Variants in LIPG observed in about 807,000 individuals in gnomAD.
LIPG encodes the protein lipase G, endothelial type.
LIPG carries 34 observed loss-of-function variants against 51.8 expected under a neutral mutation model. The observed-to-expected ratio is 0.66, with a 90% CI of 0.50 to 0.87. The LOEUF is 0.87. Ranked by LOEUF, LIPG falls within the 40% of genes least tolerant of loss-of-function variation. The probability of loss-of-function intolerance (pLI) is 0.00; values close to 1 mark genes in which losing one functional copy is unlikely to be tolerated. For missense variants in LIPG, 580 were observed against 652.7 expected, an observed-to-expected ratio of 0.89 and a Z score of 1.21; for synonymous variants, 246 against 246.1, an observed-to-expected ratio of 1.00 and a Z score of 0.00.
intron 7 of LIPG, 57 bp downstream of exon 7, chr18:49,582,539 TGAGA>T: frequency 6.2e-7 from 1 of 1,609,684 alleles, no homozygotes; most frequent in Non-Finnish European, 8.5e-7. Flanking sequence ...GGTTTGAGAA[TGAGA>T]GAGCACAAGG....
At chr18:49,567,360 G>A in intron 2 of LIPG, 82 bp from the exon 3 acceptor site, 1 of 1,392,512 alleles carries the variant, frequency 7.2e-7, no homozygotes, top group Non-Finnish European at 9.9e-7. Context: ...TAATTGGGAA[G>A]AGGGTCATAT....
intron 3 of LIPG, among the ~76,000 whole-genome samples, chr18:49,568,957 G>A (rs1041666199): frequency 2.0e-5 from 3 of 152,134 alleles, no homozygotes; most frequent in Non-Finnish European, 2.9e-5. Context: ...GGGACAATGC[G>A]TCAAGTCTGG....
rs1251143031 is a variant in LIPG, at chr18:49,590,874, C to T, written c.*352C>T. ...AGCCTGTACTCTGCCTGACGAGGAA[C>T]GCTGGCTCCGAAGAGGCCCTGTGTA... is the stretch of plus-strand genomic sequence containing the variant. On this transcript the variant is annotated 3_prime_UTR_variant, in exon 10 of 10. Coordinates refer to ENST00000261292, the MANE Select transcript of LIPG (RefSeq NM_006033.4). 4 of 382,522 alleles carry T rather than the reference C, an allele frequency of 1.0e-5. No individual in the cohort carries two copies. Among genetic ancestry groups the T allele is most frequent in the Admixed American group, 3.7e-5 (1 of 26,898 alleles). 23.7% of individuals were successfully genotyped at this position (382,522 alleles called of 1,614,324 possible).
At chr18:49,571,244 T>G (rs190743944) in intron 4 of LIPG, among the ~76,000 whole-genome samples, 1 of 152,144 alleles carries the variant, frequency 6.6e-6, no homozygotes, top group African/African-American at 2.4e-5. Flanking sequence ...ATGAGAGGTG[T>G]GATGTTTCAG....
chr18:49,567,411 AAT>A, intron 2 of LIPG, 29 bp from the exon 3 acceptor site: 1 of 1,605,518 alleles, frequency 6.2e-7, no homozygotes, highest in Admixed American at 1.7e-5. Context: ...TGAAACCAAG[AAT>A]AAAAAACAAC....
At position 49,590,540 on chromosome 18, in the gene LIPG, T is replaced by G. The variant is rs1187260979; in HGVS notation, c.*18T>G. ...TTCCCTGAGGGTGCCCGGGCAAGTC[T>G]TGCCAGCAAGGCAGCAAGACTTCCT... On this transcript the variant is annotated 3_prime_UTR_variant, in exon 10 of 10. Coordinates refer to ENST00000261292, the MANE Select transcript of LIPG (RefSeq NM_006033.4). 3 of 1,594,290 alleles carry G rather than the reference T, an allele frequency of 1.9e-6. No homozygotes were observed. Among genetic ancestry groups the G allele is most frequent in the Non-Finnish European group, 2.6e-6 (3 of 1,168,598 alleles).
rs764338806 is a variant in LIPG at position 49,567,513 on chromosome 18, T to A, written c.351T>A (p.Asn117Lys). The change falls in exon 3 of 10, where the codon AAT (asparagine) becomes AAA (lysine). Residue 117 changes from asparagine to lysine, a missense_variant. By Grantham distance (94) the Asn-to-Lys change is moderately conservative. Coordinates refer to ENST00000261292, the MANE Select transcript of LIPG (RefSeq NM_006033.4). ...SALHTREKDA[N>K]VVVVDWLPLA... ...TGCACACAAGAGAGAAAGACGCCAATGTAGTTGTGGTTGACTGGCTCCCCC... is the reference window on the plus strand; with the variant it reads ...TGCACACAAGAGAGAAAGACGCCAAAGTAGTTGTGGTTGACTGGCTCCCCC... 6.2e-7 allele frequency: 1 copy of A among 1,614,066 alleles called. No individual in the cohort carries two copies. Among genetic ancestry groups the A allele is most frequent in the Non-Finnish European group, 8.5e-7 (1 of 1,179,992 alleles).
At position 49,582,791 on chromosome 18, in the gene LIPG, T is replaced by C. The variant is rs2143969174; in HGVS notation, c.1157+309T>C. On this transcript the variant is annotated intron_variant, in intron 7 of 9. Transcript: ENST00000261292. ...TTTCATTTCAGGCAATGCCTGACGA[T>C]GCTTCAGGCAATCTGTAACTTCGTA... Among the ~76,000 whole-genome samples, 3 of 152,400 alleles carry C rather than the reference T, an allele frequency of 2.0e-5. No homozygotes were observed. The Middle Eastern group carries it at 0.01, about 518-fold the overall frequency.
At chr18:49,565,197 T>A in intron 1 of LIPG, 120 bp from the exon 2 acceptor site, 1 of 866,748 alleles carries the variant, frequency 1.2e-6, no homozygotes. Context: ...ATTCAGCAGA[T>A]GTAAAAACCG....
intron 9 of LIPG, among the ~76,000 whole-genome samples, chr18:49,587,694 C>A (rs2084898434): frequency 6.6e-6 from 1 of 152,038 alleles, no homozygotes; most frequent in Non-Finnish European, 1.5e-5. Context: ...CTGCCTCAAC[C>A]TGTAGGGGTT....
chr18:49,590,535 A>G lies in LIPG; in HGVS notation c.*13A>G. 6.3e-7 allele frequency: 1 copy of G among 1,596,122 alleles called. No individual in the cohort carries two copies. Among genetic ancestry groups the G allele is most frequent in the Non-Finnish European group, 8.5e-7 (1 of 1,169,592 alleles). On this transcript the variant is annotated 3_prime_UTR_variant, in exon 10 of 10. Coordinates refer to ENST00000261292, the MANE Select transcript of LIPG (RefSeq NM_006033.4). ...GGAGCTTCCCTGAGGGTGCCCGGGC[A>G]AGTCTTGCCAGCAAGGCAGCAAGAC...
At chr18:49,561,895 G>C, upstream of LIPG, 2 of 1,303,588 alleles carry the variant, frequency 1.5e-6, no homozygotes, top group Middle Eastern at 2.9e-4. Context: ...CACGCGGTGA[G>C]TGTGCAGCGC....
At chr18:49,576,630 C>T (rs148883274) in intron 5 of LIPG, among the ~76,000 whole-genome samples, 24 of 151,846 alleles carry the variant, frequency 1.6e-4, no homozygotes, top group Admixed American at 2.6e-4. Flanking sequence ...ATGCCATCCC[C>T]GGCTAATTTT....
At chr18:49,577,961 C>T (rs1355028267) in intron 5 of LIPG, among the ~76,000 whole-genome samples, 19 of 127,384 alleles carry the variant, frequency 1.5e-4, no homozygotes, top group African/African-American at 4.2e-4. Context: ...GGCGGCTGGC[C>T]GGGCAGGGGG....
At chr18:49,587,789 C>CT (rs11443648) in intron 9 of LIPG, among the ~76,000 whole-genome samples, 78,306 of 147,162 alleles carry the variant, frequency 0.53, 21,192 homozygotes, top group Middle Eastern at 0.7. Context: ...TTTGAAGTAT[C>CT]TTTTTTTTTT....
At chr18:49,567,318 C>A in intron 2 of LIPG, 124 bp from the exon 3 acceptor site, 1 of 944,034 alleles carries the variant, frequency 1.1e-6, no homozygotes, top group Non-Finnish European at 1.6e-6. Flanking sequence ...GCCTGGGCAA[C>A]AGAGTGAGAC....
chr18:49,569,345 T>C, intron 3 of LIPG, 92 bp from the exon 4 acceptor site: 1 of 1,071,352 alleles, frequency 9.3e-7, no homozygotes, highest in Non-Finnish European at 1.4e-6. Context: ...CTGCATCTCC[T>C]CCTGCTCCGT....
intron 8 of LIPG, 56 bp from the exon 9 acceptor site, chr18:49,586,690 A>T: frequency 7.8e-7 from 1 of 1,280,760 alleles, no homozygotes; most frequent in Non-Finnish European, 1.1e-6. Flanking sequence ...TCTAGAAAGC[A>T]CAGCTGGATT....
Position 49,595,156 on chromosome 18 carries a change from T to C in LIPG, c.*4634T>C, listed in dbSNP as rs1315714004. The C allele has an allele frequency of 4.6e-5, 7 of 152,270 alleles. No homozygotes were observed. Among genetic ancestry groups the C allele is most frequent in the Non-Finnish European group, 8.8e-5 (6 of 68,054 alleles). 9.4% of individuals were successfully genotyped at this position (152,270 alleles called of 1,614,324 possible). On this transcript the variant is annotated 3_prime_UTR_variant, in exon 10 of 10. Coordinates refer to ENST00000261292, the MANE Select transcript of LIPG (RefSeq NM_006033.4). Reference sequence around the variant, plus strand: ...GAGCTACCCTGAGCCCTCTGCCATGTAAGCTCTCTGATGGCACAGATTTTT... The same window carrying C: ...GAGCTACCCTGAGCCCTCTGCCATGCAAGCTCTCTGATGGCACAGATTTTT...
Sources: gnomAD v4.1 joint callset for allele counts (sites outside exome capture counted in the v4.1 genomes callset) on GRCh38, gnomAD v4.1.1 for gene constraint, MANE v1.5 for transcripts, NCBI Gene and HGNC (gene_info 2026-07-23, HGNC 2026-07-21) for gene names.